RAB11FIP4: variants seen among roughly 807,000 people sequenced by gnomAD.
RAB11FIP4 encodes the protein RAB11 family interacting protein 4.
In RAB11FIP4, 23 loss-of-function variants were observed where a neutral mutation model predicts 74.3. The observed-to-expected ratio is 0.31, with a 90% CI of 0.22 to 0.44. The LOEUF is 0.44. Ranked by LOEUF, RAB11FIP4 falls within the 20% of genes least tolerant of loss-of-function variation. RAB11FIP4 has a pLI of 1.00. For missense variants in RAB11FIP4, 630 were observed against 863.9 expected (o/e 0.73, Z 3.39); for synonymous variants, 360 against 359.9 (o/e 1.00, Z 0.00).
rs182820089 is a variant in RAB11FIP4 at position 31,413,132 on chromosome 17, G to C, written c.160-18681G>C. 4.2e-3 allele frequency among the ~76,000 whole-genome samples: 641 copies of C among 152,234 alleles called. 5 individuals are homozygous for C. The highest frequency in any genetic ancestry group is 0.014 in the African/African-American group (584 of 41,522). On this transcript the variant is annotated intron_variant, in intron 1 of 14. Coordinates refer to ENST00000621161, the MANE Select transcript of RAB11FIP4 (RefSeq NM_032932.6). ...TCTGGGGAATGGAGGGAGGACTGGC[G>C]GGAGCTTTTCAGTTTGAGTCTAGTT... is the stretch of plus-strand genomic sequence containing the variant.
chr17:31,488,144 C>T (rs965946072), intron 3 of RAB11FIP4: 9 of 1,049,768 alleles, frequency 8.6e-6, no homozygotes, highest in Non-Finnish European at 8.0e-6. Context: ...GCGGCGCGGC[C>T]GCGATTGTTC....
At chr17:31,395,520 G>C (rs369763979) in intron 1 of RAB11FIP4, among the ~76,000 whole-genome samples, 1 of 152,180 alleles carries the variant, frequency 6.6e-6, no homozygotes, top group Non-Finnish European at 1.5e-5. Flanking sequence ...GATGTGGTGA[G>C]AATAGAACTT....
Position 31,521,365 on chromosome 17 carries a change from C to T in RAB11FIP4, c.758+5C>T, listed in dbSNP as rs766512534. 21 of 1,589,186 alleles carry T rather than the reference C, an allele frequency of 1.3e-5. No homozygotes were observed. In the East Asian group the frequency reaches 3.6e-4, roughly 28 times the overall value. Reference sequence around the variant, plus strand: ...GGGGTCTTCGGTGTCTTCCAGGTGGCCCCTTGGTCTGGGATGTCATTTGGG... The same window carrying T: ...GGGGTCTTCGGTGTCTTCCAGGTGGTCCCTTGGTCTGGGATGTCATTTGGG... On this transcript the variant is annotated splice_donor_5th_base_variant and intron_variant, in intron 5 of 14. Coordinates refer to ENST00000621161, the MANE Select transcript of RAB11FIP4 (RefSeq NM_032932.6).
chr17:31,402,838 G>T lies in RAB11FIP4; in HGVS notation c.159+10827G>T, dbSNP rs1007050936. ...GACGGGGTTTCACCGTGTTAGCCAG[G>T]ATGGTCTCGATCTCCTGACCTTGTG... On this transcript the variant is annotated intron_variant, in intron 1 of 14. Transcript: ENST00000621161. Among the ~76,000 whole-genome samples the T allele has an allele frequency of 2.9e-3, 433 of 151,830 alleles. 4 individuals carry two copies. Among genetic ancestry groups the T allele is most frequent in the Middle Eastern group, 3.4e-3 (1 of 294 alleles).
At chr17:31,488,080 A>C (rs1421641569) in intron 3 of RAB11FIP4, 1 of 1,012,478 alleles carries the variant, frequency 9.9e-7, no homozygotes, top group Non-Finnish European at 1.2e-6. Context: ...GTCTCCCGGC[A>C]ACGGGCGGGG....
At chr17:31,509,959 A>G (rs1423409217) in intron 3 of RAB11FIP4, among the ~76,000 whole-genome samples, 3 of 152,162 alleles carry the variant, frequency 2.0e-5, no homozygotes, top group Non-Finnish European at 4.4e-5. Context: ...ACCTCTTATC[A>G]GCAACTGATA....
At chr17:31,500,234 C>T (rs192654345) in intron 3 of RAB11FIP4, among the ~76,000 whole-genome samples, 1 of 152,192 alleles carries the variant, frequency 6.6e-6, no homozygotes, top group East Asian at 1.9e-4. Context: ...TCAGCTGCAC[C>T]TTGGTTACAA....
intron 3 of RAB11FIP4, among the ~76,000 whole-genome samples, chr17:31,514,847 A>G (rs1472522511): frequency 6.6e-6 from 1 of 152,228 alleles, no homozygotes; most frequent in Non-Finnish European, 1.5e-5. Flanking sequence ...TTGCTGCGTT[A>G]GGCGGCATGC....
At chr17:31,523,333 C>A in intron 7 of RAB11FIP4, 179 bp from the exon 8 acceptor site, 1 of 643,496 alleles carries the variant, frequency 1.6e-6, no homozygotes, top group Admixed American at 2.2e-5. Context: ...CATTTGCCAT[C>A]CTCTGGGCGG....
intron 1 of RAB11FIP4, among the ~76,000 whole-genome samples, chr17:31,415,443 C>T (rs2071138024): frequency 6.6e-6 from 1 of 152,176 alleles, no homozygotes; most frequent in South Asian, 2.1e-4. Context: ...AAGCCATTTA[C>T]TTGTTCCGTG....
chr17:31,441,191 A>AT (rs1260888984), intron 3 of RAB11FIP4, among the ~76,000 whole-genome samples: 4 of 151,780 alleles, frequency 2.6e-5, no homozygotes, highest in Admixed American at 2.6e-4. Flanking sequence ...TGCCCGGCTA[A>AT]TTTTTTGTAT....
rs1435145584 is a variant in RAB11FIP4 at position 31,391,712 on chromosome 17, T to A, written c.-141T>A. 1 of 531,680 alleles carries A rather than the reference T, an allele frequency of 1.9e-6. No homozygotes were observed. The highest frequency in any genetic ancestry group is 2.4e-6 in the Non-Finnish European group (1 of 418,922). The allele number at this position is 531,680 out of a possible 1,614,324, so 32.9% of individuals were successfully genotyped here. On this transcript the variant is annotated 5_prime_UTR_variant, in exon 1 of 15. Transcript: ENST00000621161. Reference sequence around the variant, plus strand: ...GCTGCGGCGCCGCTGCTGACACGGATCGGCCGCGGCCGCCACCGGGCGGAG... The same window carrying A: ...GCTGCGGCGCCGCTGCTGACACGGAACGGCCGCGGCCGCCACCGGGCGGAG...
intron 3 of RAB11FIP4, among the ~76,000 whole-genome samples, chr17:31,496,044 G>A (rs1016787275): frequency 1.3e-5 from 2 of 152,176 alleles, no homozygotes; most frequent in Non-Finnish European, 2.9e-5. Context: ...TGGCATACTT[G>A]AAATAACGGT....
At chr17:31,446,658 G>A (rs972244874) in intron 3 of RAB11FIP4, among the ~76,000 whole-genome samples, 14 of 151,828 alleles carry the variant, frequency 9.2e-5, no homozygotes, top group Admixed American at 3.3e-4. Flanking sequence ...CCCCCCCCAC[G>A]TCTTTGGGGG....
intron 1 of RAB11FIP4, among the ~76,000 whole-genome samples, chr17:31,423,855 C>A (rs1048105392): frequency 2.0e-5 from 3 of 152,066 alleles, no homozygotes; most frequent in Admixed American, 6.6e-5. Context: ...TCCAGGGGCC[C>A]CTTTTTCTCA....
At chr17:31,404,684 A>G (rs1402571280) in intron 1 of RAB11FIP4, among the ~76,000 whole-genome samples, 2 of 152,118 alleles carry the variant, frequency 1.3e-5, no homozygotes, top group African/African-American at 2.4e-5. Flanking sequence ...GTTTGGGGCC[A>G]GAGGGTATAC....
chr17:31,434,351 T>C (rs1293921791), intron 3 of RAB11FIP4, among the ~76,000 whole-genome samples: 1 of 152,100 alleles, frequency 6.6e-6, no homozygotes, highest in African/African-American at 2.4e-5. Context: ...TTATTTCCCA[T>C]CTGTGGCACG....
At position 31,467,455 on chromosome 17, in the gene RAB11FIP4, C is replaced by G. The variant is rs149726175; in HGVS notation, c.336+33333C>G. Among the ~76,000 whole-genome samples the G allele has an allele frequency of 3.1e-3, 468 of 152,250 alleles. 7 individuals carry two copies. Among genetic ancestry groups the G allele is most frequent in the African/African-American group, 0.011 (452 of 41,542 alleles). On this transcript the variant is annotated intron_variant, in intron 3 of 14. Coordinates refer to ENST00000621161, the MANE Select transcript of RAB11FIP4 (RefSeq NM_032932.6). ...TTTCCAGAAAAAAACAGAAAGCAGT[C>G]TCTTCTTGGTACTCCCCTTCTTCAT...
At chr17:31,525,375 C>A in intron 10 of RAB11FIP4, 145 bp downstream of exon 10, 1 of 745,734 alleles carries the variant, frequency 1.3e-6, no homozygotes, top group Non-Finnish European at 2.2e-6. Context: ...AACAGTTCCA[C>A]TTTAATACCA....
Sources: gnomAD v4.1 joint callset for allele counts (sites outside exome capture counted in the v4.1 genomes callset) on GRCh38, gnomAD v4.1.1 for gene constraint, MANE v1.5 for transcripts, NCBI Gene and HGNC (gene_info 2026-07-23, HGNC 2026-07-21) for gene names.